PTPRD: variants seen among roughly 807,000 people sequenced by gnomAD.
The protein encoded by PTPRD is receptor-type tyrosine-protein phosphatase delta.
Under a neutral mutation model 214.5 loss-of-function variants are expected in PTPRD, and 34 were observed. That is an observed-to-expected ratio of 0.16 (90% CI 0.12 to 0.21). The LOEUF (loss-of-function observed/expected upper bound fraction) is 0.21, where lower values mean the gene tolerates loss of function less well. PTPRD is among the 10% of genes least tolerant of loss of function. The probability of loss-of-function intolerance (pLI) is 1.00; values close to 1 mark genes in which losing one functional copy is unlikely to be tolerated. For missense variants in PTPRD, 2,545 were observed against 2,398.7 expected (o/e 1.06, Z -1.27); for synonymous variants, 1,128 against 845.7 (o/e 1.33, Z -5.79).
intron 5 of PTPRD, among the ~76,000 whole-genome samples, chr9:9,819,287 T>A (rs1309387896): frequency 1.3e-5 from 2 of 152,106 alleles, no homozygotes; most frequent in East Asian, 1.9e-4. Flanking sequence ...TTATTACAGG[T>A]CTCTATAACT....
intron 6 of PTPRD, among the ~76,000 whole-genome samples, chr9:9,764,368 C>T (rs1597153894): frequency 6.6e-6 from 1 of 152,194 alleles, no homozygotes; most frequent in East Asian, 1.9e-4. Context: ...TTATGTATGA[C>T]ACACAAATCT....
At chr9:9,274,175 G>A (rs1944060939) in intron 9 of PTPRD, among the ~76,000 whole-genome samples, 1 of 150,934 alleles carries the variant, frequency 6.6e-6, no homozygotes, top group Non-Finnish European at 1.5e-5. Context: ...CTTCCACAGA[G>A]CCTCCACACT....
chr9:10,099,805 A>G (rs2098533506), intron 3 of PTPRD, among the ~76,000 whole-genome samples: 1 of 151,706 alleles, frequency 6.6e-6, no homozygotes, highest in Non-Finnish European at 1.5e-5. Flanking sequence ...GATTGTTAAA[A>G]GAAGATTGGG....
chr9:8,559,282 G>C (rs1304636566), intron 14 of PTPRD, among the ~76,000 whole-genome samples: 1 of 152,116 alleles, frequency 6.6e-6, no homozygotes, highest in African/African-American at 2.4e-5. Flanking sequence ...AACACAAAGA[G>C]AAATGTTTGC....
chr9:9,638,760 C>T (rs370285458), intron 7 of PTPRD, among the ~76,000 whole-genome samples: 37 of 152,204 alleles, frequency 2.4e-4, no homozygotes, highest in African/African-American at 7.2e-4. Flanking sequence ...AACAGATTAC[C>T]GCAAACTAAC....
chr9:9,804,604 A>T (rs1048005551), intron 5 of PTPRD, among the ~76,000 whole-genome samples: 1 of 152,064 alleles, frequency 6.6e-6, no homozygotes, highest in Non-Finnish European at 1.5e-5. Flanking sequence ...TGTTGAATAA[A>T]TTTTTACTGA....
chr9:10,497,953 T>G (rs1326679690), intron 2 of PTPRD, among the ~76,000 whole-genome samples: 1 of 152,068 alleles, frequency 6.6e-6, no homozygotes, highest in East Asian at 1.9e-4. Flanking sequence ...TGTTGGTTAA[T>G]AGCTGGACTT....
intron 14 of PTPRD, among the ~76,000 whole-genome samples, chr9:8,600,366 G>T (rs1485952521): frequency 6.6e-6 from 1 of 152,140 alleles, no homozygotes; most frequent in Non-Finnish European, 1.5e-5. Flanking sequence ...GCAAGTCCTA[G>T]TGCTGCACTG....
intron 7 of PTPRD, among the ~76,000 whole-genome samples, chr9:9,642,491 T>C (rs1390750061): frequency 1.3e-5 from 2 of 152,204 alleles, no homozygotes; most frequent in Non-Finnish European, 1.5e-5. Flanking sequence ...AGAAGGTATA[T>C]AAGCTCTGGA....
At chr9:9,290,808 T>C (rs1415637531) in intron 9 of PTPRD, among the ~76,000 whole-genome samples, 1 of 151,562 alleles carries the variant, frequency 6.6e-6, no homozygotes, top group Non-Finnish European at 1.5e-5. Context: ...ATGAATATTA[T>C]AATATCATTA....
At chr9:8,599,702 C>T (rs1336658259) in intron 14 of PTPRD, among the ~76,000 whole-genome samples, 2 of 149,704 alleles carry the variant, frequency 1.3e-5, no homozygotes, top group Non-Finnish European at 3.0e-5. Context: ...CTGCAACCTC[C>T]GCCTCCTGGG....
At chr9:9,749,765 G>T (rs1035365500) in intron 6 of PTPRD, among the ~76,000 whole-genome samples, 1 of 152,144 alleles carries the variant, frequency 6.6e-6, no homozygotes, top group Non-Finnish European at 1.5e-5. Flanking sequence ...TAAGGCAAAA[G>T]TTAGGAGTAT....
At chr9:8,452,084 T>C (rs2095980325) in intron 33 of PTPRD, among the ~76,000 whole-genome samples, 1 of 152,208 alleles carries the variant, frequency 6.6e-6, no homozygotes, top group Non-Finnish European at 1.5e-5. Flanking sequence ...GGGACTAAAA[T>C]TACAATTCAC....
Position 9,659,984 on chromosome 9 carries a change from T to C in PTPRD, c.-287+74549A>G, listed in dbSNP as rs566401189. Among the ~76,000 whole-genome samples the C allele has an allele frequency of 1.3e-4, 20 of 152,206 alleles. No individual in the cohort carries two copies. The East Asian group carries it at 3.9e-3, about 29-fold the overall frequency. ...TACTCTCTTCTGGGCTGTAAATGAATTTCCCTTGTATAATACATAGTCACA... is the reference window on the plus strand; with the variant it reads ...TACTCTCTTCTGGGCTGTAAATGAACTTCCCTTGTATAATACATAGTCACA... On this transcript the variant is annotated intron_variant, in intron 7 of 45. Coordinates refer to ENST00000381196, the MANE Select transcript of PTPRD (RefSeq NM_002839.4).
chr9:8,878,384 G>A (rs1587180715), intron 11 of PTPRD, among the ~76,000 whole-genome samples: 1 of 152,278 alleles, frequency 6.6e-6, no homozygotes, highest in East Asian at 1.9e-4. Flanking sequence ...CAGTAAGTGG[G>A]GCTAAGGTGG....
intron 9 of PTPRD, among the ~76,000 whole-genome samples, chr9:9,288,462 C>T (rs1451959028): frequency 6.6e-6 from 1 of 151,774 alleles, no homozygotes; most frequent in Non-Finnish European, 1.5e-5. Context: ...CAGAGTATTT[C>T]CATAGTCATT....
chr9:8,606,309 G>A (rs1463869188), intron 14 of PTPRD, among the ~76,000 whole-genome samples: 2 of 152,160 alleles, frequency 1.3e-5, no homozygotes, highest in African/African-American at 2.4e-5. Context: ...CTAATGTAAT[G>A]CCAGTATGCC....
intron 2 of PTPRD, among the ~76,000 whole-genome samples, chr9:10,502,122 A>T (rs549746194): frequency 1.3e-5 from 2 of 152,120 alleles, no homozygotes; most frequent in African/African-American, 4.8e-5. Flanking sequence ...CAAACATTTC[A>T]TGGTGAGAAA....
At chr9:10,002,737 T>C (rs990771677) in intron 4 of PTPRD, among the ~76,000 whole-genome samples, 3 of 150,064 alleles carry the variant, frequency 2.0e-5, no homozygotes, top group Admixed American at 6.7e-5. Flanking sequence ...TTTAACAATA[T>C]GTAGGTACTG....
Sources: allele counts gnomAD v4.1 joint callset (sites outside exome capture counted in the v4.1 genomes callset), GRCh38; gene constraint gnomAD v4.1.1; transcripts MANE v1.5; gene names NCBI Gene and HGNC (gene_info 2026-07-23, HGNC 2026-07-21).